Variants in IFT81 observed in about 807,000 individuals in gnomAD.
IFT81 encodes intraflagellar transport protein 81 homolog.
In IFT81, 72 loss-of-function variants were observed where a neutral mutation model predicts 102.6. That is an observed-to-expected ratio of 0.70 (90% CI 0.58 to 0.85). The LOEUF is 0.85. Among genes scored for constraint, IFT81 ranks in the 40% least tolerant of loss-of-function variants. The probability of loss-of-function intolerance (pLI) is 0.00; values close to 1 mark genes in which losing one functional copy is unlikely to be tolerated. For synonymous variants in IFT81, 237 were observed against 242.7 expected (o/e 0.98, Z 0.22); for missense variants, 723 against 787.3 (o/e 0.92, Z 0.98).
intron 18 of IFT81, among the ~76,000 whole-genome samples, chr12:110,210,262 C>A (rs1284102619): frequency 6.6e-6 from 1 of 152,142 alleles, no homozygotes; most frequent in Non-Finnish European, 1.5e-5. Context: ...CTTTAGAGTT[C>A]ATTTCCTCAT....
chr12:110,172,249 A>G (rs930582151), intron 11 of IFT81, among the ~76,000 whole-genome samples: 14 of 152,066 alleles, frequency 9.2e-5, no homozygotes, highest in Non-Finnish European at 1.6e-4. Flanking sequence ...GGCCAACGTG[A>G]TGAAACCCTG....
chr12:110,201,018 A>G (rs1375986434), intron 14 of IFT81, among the ~76,000 whole-genome samples: 1 of 152,200 alleles, frequency 6.6e-6, no homozygotes, highest in Non-Finnish European at 1.5e-5. Context: ...ACTTTTTTGT[A>G]ATAACAGCTT....
At chr12:110,142,275 C>A (rs941756846) in intron 8 of IFT81, among the ~76,000 whole-genome samples, 6 of 152,092 alleles carry the variant, frequency 3.9e-5, no homozygotes, top group African/African-American at 7.2e-5. Flanking sequence ...TCAAGCGATC[C>A]TTGTTCCTCA....
At chr12:110,162,596 A>T (rs1015959929) in intron 10 of IFT81, 1 of 185,708 alleles carries the variant, frequency 5.4e-6, no homozygotes, top group Non-Finnish European at 1.1e-5. Context: ...CGGCCTCCCA[A>T]AGTGCTGAGA....
At chr12:110,129,289 A>G (rs769759291) in intron 4 of IFT81, among the ~76,000 whole-genome samples, 159 bp downstream of exon 4, 2 of 152,132 alleles carry the variant, frequency 1.3e-5, no homozygotes, top group Non-Finnish European at 2.9e-5. Context: ...CCACATCTCA[A>G]GATAATGGCT....
chr12:110,132,446 CAA>C (rs1417887776), intron 4 of IFT81, 99 bp from the exon 5 acceptor site: 35 of 481,384 alleles, frequency 7.3e-5, no homozygotes, highest in Non-Finnish European at 1.1e-4. Flanking sequence ...GGCGACAGAG[CAA>C]GAGTCTGTCT....
Position 110,129,022 on chromosome 12 carries a change from G to T in IFT81, c.321G>T (p.Gln107His). 1.2e-6 allele frequency: 2 copies of T among 1,611,182 alleles called. No homozygotes were observed. The highest frequency in any genetic ancestry group is 1.7e-6 in the Non-Finnish European group (2 of 1,179,174). Residue 107 changes from glutamine (Q) to histidine (H), a missense_variant, in exon 4 of 19, where the codon CAG becomes CAT. Gln to His is a conservative substitution (Grantham distance 24, BLOSUM62 0). Coordinates refer to ENST00000242591, the MANE Select transcript of IFT81 (RefSeq NM_014055.4). The part of the protein sequence containing the change: ...VIYPVLHWLL[Q>H]RTNELKKRAY... The stretch of plus-strand genomic sequence containing the variant: ...ACCCAGTGCTCCACTGGCTTCTTCA[G>T]AGGACTAATGAACTGAAGAAAAGAG...
At chr12:110,160,076 G>T (rs188914536) in intron 10 of IFT81, among the ~76,000 whole-genome samples, 5 of 152,046 alleles carry the variant, frequency 3.3e-5, no homozygotes. Flanking sequence ...CTCCTCAAAC[G>T]GTTTCGAAAC....
intron 12 of IFT81, among the ~76,000 whole-genome samples, chr12:110,181,150 G>C (rs533932409): frequency 8.9e-4 from 135 of 152,170 alleles, no homozygotes; most frequent in African/African-American, 3.1e-3. Flanking sequence ...TGGTTTACCA[G>C]CTAGCAATAA....
chr12:110,186,219 C>T (rs1422573530), intron 12 of IFT81, among the ~76,000 whole-genome samples: 1 of 151,724 alleles, frequency 6.6e-6, no homozygotes, highest in South Asian at 2.1e-4. Context: ...TTATTTATTT[C>T]ATAACATCAA....
At position 110,179,769 on chromosome 12, in the gene IFT81, TATATACAC is replaced by T. The variant is rs1897231070; in HGVS notation, c.1189-651_1189-644del. ...ATATATATATATATATATATATATA[TATATACAC>T]ACACACACACACACACACACACACA... On this transcript the variant is annotated intron_variant, in intron 11 of 18. Coordinates refer to ENST00000242591, the MANE Select transcript of IFT81 (RefSeq NM_014055.4). Among the ~76,000 whole-genome samples, 6 of 65,394 alleles carry T rather than the reference TATATACAC, an allele frequency of 9.2e-5. No homozygotes were observed. In the South Asian group the frequency reaches 1.3e-3, roughly 14 times the overall value. The allele number at this position is 65,394 out of a possible 152,430, so 42.9% of individuals were successfully genotyped here. A position where few individuals can be genotyped will look rare whatever the true frequency, so the allele number is the denominator to read the frequency against.
chr12:110,160,245 T>C (rs1896066673), intron 10 of IFT81, among the ~76,000 whole-genome samples: 1 of 152,162 alleles, frequency 6.6e-6, no homozygotes, highest in Non-Finnish European at 1.5e-5. Flanking sequence ...CAAAGTCTCA[T>C]GATAGACCAT....
intron 11 of IFT81, among the ~76,000 whole-genome samples, chr12:110,176,691 A>C (rs1464910648): frequency 1.3e-5 from 2 of 152,236 alleles, no homozygotes; most frequent in African/African-American, 4.8e-5. Context: ...AGCCCTTAGA[A>C]TGCTTTGATG....
At chr12:110,216,046 AT>A (rs766642657) in intron 18 of IFT81, among the ~76,000 whole-genome samples, 1 of 152,222 alleles carries the variant, frequency 6.6e-6, no homozygotes, top group Non-Finnish European at 1.5e-5. Flanking sequence ...AGAATATAAC[AT>A]TTAATAACAA....
chr12:110,203,851 CT>C lies in IFT81; in HGVS notation c.1558-8del. ...TTTTTCACTTATTCAATCATTTTCC[CT>C]TTTTATACTAGGAACTGACCCAGGA... On this transcript the variant is annotated splice_polypyrimidine_tract_variant and intron_variant, in intron 14 of 18. Coordinates refer to ENST00000242591, the MANE Select transcript of IFT81 (RefSeq NM_014055.4). 6.3e-7 allele frequency: 1 copy of C among 1,584,674 alleles called. No individual in the cohort carries two copies. Among genetic ancestry groups the C allele is most frequent in the Non-Finnish European group, 8.7e-7 (1 of 1,153,520 alleles).
intron 4 of IFT81, among the ~76,000 whole-genome samples, chr12:110,130,839 A>G (rs1894121970): frequency 6.6e-6 from 1 of 152,032 alleles, no homozygotes; most frequent in Admixed American, 6.6e-5. Context: ...ATGATTTACA[A>G]TATATAATGA....
intron 17 of IFT81, among the ~76,000 whole-genome samples, chr12:110,208,904 T>A (rs1869040247): frequency 6.6e-6 from 1 of 152,202 alleles, no homozygotes; most frequent in South Asian, 2.1e-4. Flanking sequence ...GAGGGTAGAT[T>A]AACCAGAAAT....
intron 10 of IFT81, among the ~76,000 whole-genome samples, chr12:110,157,847 C>T (rs1895925933): frequency 6.6e-6 from 1 of 152,114 alleles, no homozygotes; most frequent in African/African-American, 2.4e-5. Flanking sequence ...CAATATTGCA[C>T]TTTTTAGCTC....
At chr12:110,192,029 G>A (rs1166125634) in intron 13 of IFT81, among the ~76,000 whole-genome samples, 1 of 151,834 alleles carries the variant, frequency 6.6e-6, no homozygotes, top group African/African-American at 2.4e-5. Flanking sequence ...AAATCAGCCG[G>A]GCGTGGTGTC....
Sources: gnomAD v4.1 joint callset for allele counts (sites outside exome capture counted in the v4.1 genomes callset) on GRCh38, gnomAD v4.1.1 for gene constraint, MANE v1.5 for transcripts, NCBI Gene and HGNC (gene_info 2026-07-23, HGNC 2026-07-21) for gene names.